ARHGAP8: variants seen among roughly 807,000 people sequenced by gnomAD.
ARHGAP8 encodes the protein Rho GTPase activating protein 8.
A neutral mutation model predicts 46.1 loss-of-function variants in ARHGAP8; 62 were observed. That is an observed-to-expected ratio of 1.34 (90% CI 1.10 to 1.66). The LOEUF (loss-of-function observed/expected upper bound fraction) is 1.66. Among genes scored for constraint, ARHGAP8 ranks in the 40% most tolerant of loss-of-function variants. The pLI is 0.00. For synonymous variants in ARHGAP8, 375 were observed against 243.1 expected, an observed-to-expected ratio of 1.54 and a Z score of -5.05; for missense variants, 923 against 568.4, an observed-to-expected ratio of 1.62 and a Z score of -6.34.
At chr22:44,861,365 C>CACCCCAGTGGCACCTGG (rs1569189654) in intron 11 of ARHGAP8, among the ~76,000 whole-genome samples, 3 of 152,002 alleles carry the variant, frequency 2.0e-5, no homozygotes, top group African/African-American at 7.3e-5. Flanking sequence ...TGTGGTGTTG[C>CACCCCAGTGGCACCTGG]GTGTTATCAC....
chr22:44,861,402 TGAG>T (rs1298277686), intron 11 of ARHGAP8, among the ~76,000 whole-genome samples: 4 of 152,192 alleles, frequency 2.6e-5, no homozygotes, highest in African/African-American at 7.2e-5. Flanking sequence ...GGCCTCGGCT[TGAG>T]GAGGGGTGGC....
At chr22:44,842,155 G>C (rs959115351) in intron 7 of ARHGAP8, among the ~76,000 whole-genome samples, 2 of 152,172 alleles carry the variant, frequency 1.3e-5, no homozygotes, top group African/African-American at 4.8e-5. Context: ...TCAAGAGATA[G>C]AGATCATCCT....
At chr22:44,861,740 C>T (rs1256053063) in intron 11 of ARHGAP8, among the ~76,000 whole-genome samples, 1 of 152,158 alleles carries the variant, frequency 6.6e-6, no homozygotes, top group Non-Finnish European at 1.5e-5. Flanking sequence ...CCTTCCAGGC[C>T]CCAGATTCCT....
intron 1 of ARHGAP8, among the ~76,000 whole-genome samples, chr22:44,761,991 C>T (rs1012025877): frequency 6.6e-6 from 1 of 152,242 alleles, no homozygotes; most frequent in African/African-American, 2.4e-5. Flanking sequence ...AATTCAGTTA[C>T]CTCCCACCAG....
intron 4 of ARHGAP8, among the ~76,000 whole-genome samples, chr22:44,812,823 C>A (rs959188389): frequency 4.6e-5 from 7 of 152,090 alleles, no homozygotes; most frequent in Non-Finnish European, 8.8e-5. Flanking sequence ...CGGCATCTGA[C>A]GAAGGGAAGA....
Position 44,796,330 on chromosome 22 carries a change from C to T in ARHGAP8, c.80-5747C>T, listed in dbSNP as rs528631268. On this transcript the variant is annotated intron_variant, in intron 2 of 11. Transcript: ENST00000356099. The stretch of plus-strand genomic sequence containing the variant: ...GTGGAGGCCCCCACAGTTTGCTCCT[C>T]GGGGGCAGCTGATGGTGGGCTGGGG... Among the ~76,000 whole-genome samples, 12 of 152,262 alleles carry T rather than the reference C, an allele frequency of 7.9e-5. No individual in the cohort carries two copies. The South Asian group carries it at 1.5e-3, about 18-fold the overall frequency.
At chr22:44,753,165 G>A (rs375368070) in intron 1 of ARHGAP8, among the ~76,000 whole-genome samples, 1 of 151,992 alleles carries the variant, frequency 6.6e-6, no homozygotes, top group South Asian at 2.1e-4. Context: ...AACTCAGGGG[G>A]TGGGGGGCTG....
At chr22:44,838,200 C>G (rs1043572574) in intron 7 of ARHGAP8, among the ~76,000 whole-genome samples, 2 of 151,078 alleles carry the variant, frequency 1.3e-5, no homozygotes, top group African/African-American at 4.9e-5. Flanking sequence ...TGTGATGGCA[C>G]GATCTTGGCT....
intron 9 of ARHGAP8, among the ~76,000 whole-genome samples, chr22:44,848,561 A>G (rs908303809): frequency 1.3e-5 from 2 of 152,240 alleles, no homozygotes; most frequent in African/African-American, 4.8e-5. Context: ...ATCATGGAGC[A>G]TCAGGTCTGC....
chr22:44,809,391 C>T (rs1198136995), intron 4 of ARHGAP8: 1 of 357,462 alleles, frequency 2.8e-6, no homozygotes, highest in Non-Finnish European at 5.5e-6. Flanking sequence ...CACCCCTGGT[C>T]CAGTGAATTA....
chr22:44,771,481 A>G (rs973968558), intron 1 of ARHGAP8, among the ~76,000 whole-genome samples: 3 of 151,244 alleles, frequency 2.0e-5, no homozygotes, highest in African/African-American at 4.9e-5. Flanking sequence ...TCCTGACCTC[A>G]GGTGATCCAC....
chr22:44,760,106 G>T (rs1421050991), intron 1 of ARHGAP8, among the ~76,000 whole-genome samples: 1 of 152,214 alleles, frequency 6.6e-6, no homozygotes, highest in Non-Finnish European at 1.5e-5. Flanking sequence ...AGCTTGTTTG[G>T]ACTTCGCTGC....
intron 4 of ARHGAP8, 114 bp from the exon 5 acceptor site, chr22:44,814,558 T>G: frequency 2.3e-6 from 2 of 857,588 alleles, no homozygotes; most frequent in Non-Finnish European, 3.7e-6. Context: ...TTGATCCTGT[T>G]GAGAGGAGTA....
Position 44,825,529 on chromosome 22 carries a change from C to G in ARHGAP8, c.532C>G (p.Pro178Ala), listed in dbSNP as rs1421264749. The G allele has an allele frequency of 3.3e-5, 53 of 1,613,428 alleles. No homozygotes were observed. The highest frequency in any genetic ancestry group is 4.4e-5 in the Non-Finnish European group (52 of 1,179,810). Residue 178 changes from proline (P) to alanine (A), a missense_variant, in exon 7 of 12, where the codon CCC becomes GCC. Physicochemically the swap from Pro to Ala is conservative, Grantham distance 27. Coordinates refer to ENST00000356099, the MANE Select transcript of ARHGAP8 (RefSeq NM_181335.3). Reference sequence around the variant, plus strand: ...CCTGCACGAGGGCCGGACGCCGCCTCCCACCAAGACACCACCGCCGCGGCC... The same window carrying G: ...CCTGCACGAGGGCCGGACGCCGCCTGCCACCAAGACACCACCGCCGCGGCC... ...QSLHEGRTPPPTKTPPPRPPL... is the reference protein window; with the variant it reads ...QSLHEGRTPPATKTPPPRPPL...
chr22:44,831,324 T>C (rs1044064209), intron 7 of ARHGAP8, among the ~76,000 whole-genome samples: 2 of 152,336 alleles, frequency 1.3e-5, no homozygotes, highest in South Asian at 4.1e-4. Flanking sequence ...TTGATACATT[T>C]TGAGTAGATT....
intron 10 of ARHGAP8, among the ~76,000 whole-genome samples, chr22:44,858,207 C>T (rs1300234931): frequency 6.6e-6 from 1 of 152,144 alleles, no homozygotes; most frequent in African/African-American, 2.4e-5. Context: ...CCGGTGGTCA[C>T]CAGCAACTCT....
At chr22:44,786,377 T>C in intron 1 of ARHGAP8, 80 bp from the exon 2 acceptor site, 1 of 1,507,270 alleles carries the variant, frequency 6.6e-7, no homozygotes, top group Non-Finnish European at 8.9e-7. Flanking sequence ...GTGACTGTCT[T>C]ATGAAAGGCA....
intron 1 of ARHGAP8, among the ~76,000 whole-genome samples, chr22:44,754,642 G>A (rs1488850994): frequency 3.9e-5 from 6 of 152,102 alleles, no homozygotes. Flanking sequence ...TGGGATTACA[G>A]GCATGAGCCA....
intron 4 of ARHGAP8, 138 bp downstream of exon 4, chr22:44,808,576 G>A: frequency 6.8e-7 from 1 of 1,468,764 alleles, no homozygotes; most frequent in Non-Finnish European, 9.2e-7. Context: ...AGCAAATGTG[G>A]GGCAGTGGAG....
Sources: allele counts gnomAD v4.1 joint callset (sites outside exome capture counted in the v4.1 genomes callset), GRCh38; gene constraint gnomAD v4.1.1; transcripts MANE v1.5; gene names NCBI Gene and HGNC (gene_info 2026-07-23, HGNC 2026-07-21).